Variants in STXBP6 observed in about 807,000 individuals in gnomAD.
STXBP6 encodes syntaxin-binding protein 6.
In STXBP6, 21 loss-of-function variants were observed where a neutral mutation model predicts 26.9. That is an observed-to-expected ratio of 0.78 (90% CI 0.55 to 1.12). STXBP6 has a LOEUF of 1.12. Ranked by LOEUF, STXBP6 falls within the 50% of genes most tolerant of loss-of-function variation. STXBP6 has a pLI of 0.00. For missense variants in STXBP6, 232 were observed against 257.9 expected (o/e 0.90, Z 0.69); for synonymous variants, 97 against 92.6 (o/e 1.05, Z -0.27).
At chr14:24,895,023 G>C (rs2070937268) in intron 2 of STXBP6, among the ~76,000 whole-genome samples, 2 of 151,990 alleles carry the variant, frequency 1.3e-5, no homozygotes, top group Non-Finnish European at 2.9e-5. Flanking sequence ...CCTCTAAAAT[G>C]AGATTTTTTT....
chr14:24,945,470 T>C (rs1026212737), intron 2 of STXBP6, among the ~76,000 whole-genome samples: 1 of 152,056 alleles, frequency 6.6e-6, no homozygotes, highest in Non-Finnish European at 1.5e-5. Context: ...CTCAGGAGGC[T>C]GAGATGGGCA....
intron 2 of STXBP6, among the ~76,000 whole-genome samples, chr14:24,936,160 T>C (rs1402542041): frequency 6.6e-6 from 1 of 152,198 alleles, no homozygotes; most frequent in African/African-American, 2.4e-5. Context: ...TTACAGCCAT[T>C]TGAGAGTCTA....
intron 2 of STXBP6, among the ~76,000 whole-genome samples, chr14:24,903,193 C>T (rs945262032): frequency 7.2e-5 from 11 of 152,058 alleles, no homozygotes; most frequent in African/African-American, 2.2e-4. Flanking sequence ...TGTTAGAGCT[C>T]GCATTTTTGG....
chr14:24,815,132 C>T (rs1352099993), intron 5 of STXBP6, among the ~76,000 whole-genome samples: 1 of 152,102 alleles, frequency 6.6e-6, no homozygotes, highest in Non-Finnish European at 1.5e-5. Context: ...GGTCAGGATA[C>T]CTGCTGCTGC....
At chr14:25,036,855 C>CAA (rs549439602) in intron 1 of STXBP6, among the ~76,000 whole-genome samples, 1,200 of 62,114 alleles carry the variant, frequency 0.019, 35 homozygotes, top group African/African-American at 0.05. Flanking sequence ...GACTCCGTCT[C>CAA]AAAAAAAAAA....
chr14:24,938,518 T>C (rs1432131307), intron 2 of STXBP6, among the ~76,000 whole-genome samples: 1 of 151,172 alleles, frequency 6.6e-6, no homozygotes, highest in Admixed American at 6.6e-5. Flanking sequence ...AATCAAAATC[T>C]ACACCAAATA....
chr14:24,953,949 G>A (rs12100982), intron 2 of STXBP6, among the ~76,000 whole-genome samples: 3,262 of 152,240 alleles, frequency 0.021, 115 homozygotes, highest in African/African-American at 0.072. Flanking sequence ...ACAATAGAGG[G>A]GGTTGGAAGA....
chr14:25,045,667 G>A (rs888074067), intron 1 of STXBP6, among the ~76,000 whole-genome samples: 7 of 147,938 alleles, frequency 4.7e-5, no homozygotes, highest in Non-Finnish European at 1.0e-4. Flanking sequence ...GCAATGGCAC[G>A]ATCTCGGCTC....
intron 1 of STXBP6, among the ~76,000 whole-genome samples, chr14:24,993,447 A>G (rs1245941532): frequency 6.6e-6 from 1 of 152,092 alleles, no homozygotes; most frequent in African/African-American, 2.4e-5. Flanking sequence ...CTTTCTTGCC[A>G]TTGCTCTAAA....
chr14:24,981,659 G>A (rs2140239892), intron 1 of STXBP6, among the ~76,000 whole-genome samples: 1 of 152,160 alleles, frequency 6.6e-6, no homozygotes, highest in Non-Finnish European at 1.5e-5. Context: ...CTCCAACAGA[G>A]ATTAATATGA....
At chr14:24,943,014 C>A (rs1049482410) in intron 2 of STXBP6, among the ~76,000 whole-genome samples, 4 of 152,206 alleles carry the variant, frequency 2.6e-5, no homozygotes, top group Non-Finnish European at 5.9e-5. Context: ...AAGGTGAAAT[C>A]CCTTCCAGAA....
intron 2 of STXBP6, among the ~76,000 whole-genome samples, chr14:24,880,531 C>T (rs372039581): frequency 7.0e-4 from 106 of 152,210 alleles, no homozygotes; most frequent in African/African-American, 2.3e-3. Context: ...AAAAGGACCA[C>T]GTCTCTAGTG....
chr14:25,013,891 C>T (rs770182169), intron 1 of STXBP6, among the ~76,000 whole-genome samples: 2 of 152,040 alleles, frequency 1.3e-5, no homozygotes, highest in Non-Finnish European at 1.5e-5. Flanking sequence ...GAAAAACAAA[C>T]AAATGTGAAC....
intron 2 of STXBP6, among the ~76,000 whole-genome samples, chr14:24,894,267 T>G (rs2070896225): frequency 6.6e-6 from 1 of 152,206 alleles, no homozygotes; most frequent in African/African-American, 2.4e-5. Context: ...TGTAAAATGA[T>G]GAGGACTTAG....
chr14:24,872,799 G>GT (rs1191985390), intron 2 of STXBP6, among the ~76,000 whole-genome samples: 1 of 152,172 alleles, frequency 6.6e-6, no homozygotes, highest in Non-Finnish European at 1.5e-5. Flanking sequence ...AATCTAACGT[G>GT]TGTCCATCCT....
intron 1 of STXBP6, among the ~76,000 whole-genome samples, chr14:24,999,688 C>G (rs1280990637): frequency 1.3e-5 from 2 of 152,020 alleles, no homozygotes; most frequent in East Asian, 3.9e-4. Context: ...GGTGCCACTA[C>G]CCCCAAAAGA....
chr14:24,905,026 A>G (rs2071340523), intron 2 of STXBP6, among the ~76,000 whole-genome samples: 1 of 152,186 alleles, frequency 6.6e-6, no homozygotes, highest in African/African-American at 2.4e-5. Flanking sequence ...TGGGTAAATA[A>G]TTTAATCTCT....
At chr14:24,865,686 A>G (rs1034342102) in intron 2 of STXBP6, among the ~76,000 whole-genome samples, 1 of 152,198 alleles carries the variant, frequency 6.6e-6, no homozygotes, top group African/African-American at 2.4e-5. Flanking sequence ...GGCACTGAGT[A>G]GAATACAGAT....
intron 1 of STXBP6, among the ~76,000 whole-genome samples, chr14:25,019,846 T>C (rs996904620): frequency 1.3e-5 from 2 of 151,470 alleles, no homozygotes; most frequent in African/African-American, 4.9e-5. Context: ...TAGTATCTTA[T>C]TATAAAATAC....
Sources: allele counts gnomAD v4.1 joint callset (sites outside exome capture counted in the v4.1 genomes callset), GRCh38; gene constraint gnomAD v4.1.1; transcripts MANE v1.5; gene names NCBI Gene and HGNC (gene_info 2026-07-23, HGNC 2026-07-21).